Variants in ABCB1 observed in about 807,000 individuals in gnomAD.
The protein encoded by ABCB1 is ATP binding cassette subfamily B member 1.
In ABCB1, 69 loss-of-function variants were observed where a neutral mutation model predicts 142.0. The observed-to-expected ratio is 0.49, with a 90% confidence interval of 0.40 to 0.59. The LOEUF (loss-of-function observed/expected upper bound fraction) is 0.59. Ranked by LOEUF, ABCB1 falls within the 20% of genes least tolerant of loss-of-function variation. ABCB1 has a pLI of 0.00. For missense variants in ABCB1, 1,326 were observed against 1,554.7 expected (o/e 0.85, Z 2.47); for synonymous variants, 532 against 539.2 (o/e 0.99, Z 0.18).
At chr7:87,626,151 GTCATATATATGTGTCATATATATT>G (rs1820467686) in intron 1 of ABCB1, among the ~76,000 whole-genome samples, 1 of 131,438 alleles carries the variant, frequency 7.6e-6, no homozygotes, top group Non-Finnish European at 1.6e-5. Context: ...CATATATATT[GTCATATATATGTGTCATATATATT>G]GTCATATATA....
In ABCB1 at chr7:87,677,440, A is replaced by G. The variant is rs534584327; in HGVS notation, c.-331+35721T>C. 5.9e-5 allele frequency among the ~76,000 whole-genome samples: 9 copies of G among 152,186 alleles called. No homozygotes were observed. The East Asian group carries it at 1.7e-3, about 29-fold the overall frequency. ...GACACAGAAAGACAAATACCACGTG[A>G]TCTCATGTATTAGATATGGAGCCTA... On this transcript the variant is annotated intron_variant, in intron 1 of 28. Transcript: ENST00000265724.
At chr7:87,577,984 A>G (rs1031679050) in intron 4 of ABCB1, among the ~76,000 whole-genome samples, 2 of 152,176 alleles carry the variant, frequency 1.3e-5, no homozygotes, top group Non-Finnish European at 2.9e-5. Context: ...TTACTCAAGA[A>G]ATCTTTGCCC....
In ABCB1 at chr7:87,591,627, C is replaced by T. The variant is rs150077454; in HGVS notation, c.117+4139G>A. Among the ~76,000 whole-genome samples the T allele has an allele frequency of 7.9e-5, 12 of 151,812 alleles. No individual in the cohort carries two copies. In the East Asian group the frequency reaches 2.3e-3, roughly 29 times the overall value. ...ATGTTGAGACTTATTTGTAAGGTCA[C>T]CAAAATACTCAGAAGAATAACAGGA... is the stretch of plus-strand genomic sequence containing the variant. On this transcript the variant is annotated intron_variant, in intron 3 of 27. Transcript: ENST00000622132.
Position 87,529,475 on chromosome 7 carries a change from C to A in ABCB1, c.2685+1819G>T, listed in dbSNP as rs963856954. Among the ~76,000 whole-genome samples, 107 of 152,178 alleles carry A rather than the reference C, an allele frequency of 7.0e-4. 1 individual carries two copies. The highest frequency in any genetic ancestry group is 7.0e-3 in the Admixed American group (107 of 15,268). ...CCCTGAATTAGAAAATGTATCACAT[C>A]CCTGACCTTTGCTCAGAAAATCTGC... On this transcript the variant is annotated intron_variant, in intron 21 of 27. Coordinates refer to ENST00000622132, the MANE Select transcript of ABCB1 (RefSeq NM_001348946.2).
chr7:87,704,821 G>A (rs1415046498), intron 1 of ABCB1, among the ~76,000 whole-genome samples: 1 of 152,318 alleles, frequency 6.6e-6, no homozygotes, highest in East Asian at 1.9e-4. Flanking sequence ...AATGAAAAGA[G>A]CAGTTTACTT....
At chr7:87,551,508 T>G (rs566661795) in intron 9 of ABCB1, among the ~76,000 whole-genome samples, 215 of 152,234 alleles carry the variant, frequency 1.4e-3, no homozygotes, top group Non-Finnish European at 2.4e-3. Context: ...TAAAAAAATT[T>G]TAAGACAAGG....
At chr7:87,698,987 A>G (rs1828761658) in intron 1 of ABCB1, among the ~76,000 whole-genome samples, 1 of 152,202 alleles carries the variant, frequency 6.6e-6, no homozygotes, top group African/African-American at 2.4e-5. Flanking sequence ...TTAAAAATTC[A>G]AATGCTTACA....
At chr7:87,645,185 C>T (rs1015329933) in intron 1 of ABCB1, among the ~76,000 whole-genome samples, 8 of 151,134 alleles carry the variant, frequency 5.3e-5, no homozygotes, top group Non-Finnish European at 1.2e-4. Flanking sequence ...TGGGTTCAAG[C>T]GATTCTCCTA....
chr7:87,669,169 G>GTACA (rs1465173309), intron 1 of ABCB1, among the ~76,000 whole-genome samples: 1 of 152,030 alleles, frequency 6.6e-6, no homozygotes, highest in Non-Finnish European at 1.5e-5. Flanking sequence ...TGTGTGTTGG[G>GTACA]TACATATATA....
chr7:87,626,148 ATTG>A (rs1820465814), intron 1 of ABCB1, among the ~76,000 whole-genome samples: 2 of 120,370 alleles, frequency 1.7e-5, no homozygotes, highest in African/African-American at 7.3e-5. Context: ...TGTCATATAT[ATTG>A]TCATATATAT....
chr7:87,628,398 G>C (rs1820814978), intron 1 of ABCB1: 1 of 157,754 alleles, frequency 6.3e-6, no homozygotes, highest in African/African-American at 2.4e-5. Flanking sequence ...CGGGGGCCTT[G>C]CCGCTGCCTC....
At chr7:87,628,172 C>A (rs371099932) in intron 1 of ABCB1, among the ~76,000 whole-genome samples, 1 of 152,226 alleles carries the variant, frequency 6.6e-6, no homozygotes, top group Non-Finnish European at 1.5e-5. Flanking sequence ...TCCCACAATC[C>A]CCGCGGCTAG....
intron 1 of ABCB1, among the ~76,000 whole-genome samples, chr7:87,671,284 G>A (rs73705296): frequency 0.013 from 2,035 of 152,200 alleles, 45 homozygotes; most frequent in African/African-American, 0.046. Flanking sequence ...TTATTGGTCC[G>A]GCAAGGGCAG....
intron 25 of ABCB1, among the ~76,000 whole-genome samples, chr7:87,514,650 C>A (rs753004198): frequency 5.9e-5 from 9 of 152,206 alleles, no homozygotes; most frequent in Non-Finnish European, 1.3e-4. Flanking sequence ...ATTTGCCTTT[C>A]TTTTACTTTC....
intron 1 of ABCB1, among the ~76,000 whole-genome samples, chr7:87,676,162 G>A (rs1411991862): frequency 6.6e-6 from 1 of 152,100 alleles, no homozygotes; most frequent in East Asian, 1.9e-4. Context: ...AGGAGTTTGA[G>A]GCTTCAGTGA....
intron 20 of ABCB1, among the ~76,000 whole-genome samples, chr7:87,534,996 C>G (rs751052310): frequency 4.0e-5 from 6 of 150,382 alleles, no homozygotes; most frequent in Non-Finnish European, 7.4e-5. Context: ...CTTTAAATAC[C>G]CTTTCTCTCA....
intron 1 of ABCB1, among the ~76,000 whole-genome samples, chr7:87,619,754 G>GTT (rs1820159027): frequency 6.8e-6 from 1 of 147,792 alleles, no homozygotes; most frequent in Non-Finnish European, 1.5e-5. Context: ...ACATGTGTGT[G>GTT]TGTGTGTGTG....
chr7:87,538,327 C>T (rs1816384747), intron 19 of ABCB1, among the ~76,000 whole-genome samples: 1 of 152,184 alleles, frequency 6.6e-6, no homozygotes, highest in Non-Finnish European at 1.5e-5. Context: ...AAACTGTGCT[C>T]TCTCACTTAG....
chr7:87,522,946 A>C (rs1815585327), intron 21 of ABCB1, among the ~76,000 whole-genome samples: 1 of 152,190 alleles, frequency 6.6e-6, no homozygotes, highest in Non-Finnish European at 1.5e-5. Context: ...TTAATATCAT[A>C]ACCAATTAAG....
Sources: allele counts gnomAD v4.1 joint callset (sites outside exome capture counted in the v4.1 genomes callset), GRCh38; gene constraint gnomAD v4.1.1; transcripts MANE v1.5; gene names NCBI Gene and HGNC (gene_info 2026-07-23, HGNC 2026-07-21).